DDX60L: variants seen among roughly 807,000 people sequenced by gnomAD.
DDX60L encodes the protein probable ATP-dependent RNA helicase DDX60-like.
DDX60L carries 191 observed loss-of-function variants against 211.6 expected under a neutral mutation model. The ratio of observed to expected loss-of-function variants is 0.90; its 90% CI spans 0.80 to 1.02. The LOEUF (loss-of-function observed/expected upper bound fraction) is 1.02, where lower values mean the gene tolerates loss of function less well. Ranked by LOEUF, DDX60L falls within the 50% of genes least tolerant of loss-of-function variation. The probability of loss-of-function intolerance (pLI) is 0.00; values close to 1 mark genes in which losing one functional copy is unlikely to be tolerated. For missense variants in DDX60L, 2,007 were observed against 1,984.1 expected (o/e 1.01, Z -0.22); for synonymous variants, 706 against 694.1 (o/e 1.02, Z -0.27).
intron 33 of DDX60L, among the ~76,000 whole-genome samples, chr4:168,376,858 C>T (rs1049102793): frequency 6.6e-6 from 1 of 152,208 alleles, no homozygotes; most frequent in Non-Finnish European, 1.5e-5. Context: ...ATAGTTTACA[C>T]ATATTTATTG....
At chr4:168,392,582 G>A (rs560695200) in intron 28 of DDX60L, among the ~76,000 whole-genome samples, 232 of 152,094 alleles carry the variant, frequency 1.5e-3, no homozygotes, top group Non-Finnish European at 2.5e-3. Context: ...AGTGGCTCAC[G>A]CCTGTAACTT....
intron 14 of DDX60L, among the ~76,000 whole-genome samples, chr4:168,426,732 C>G (rs1751513873): frequency 6.6e-6 from 1 of 152,214 alleles, no homozygotes; most frequent in Admixed American, 6.5e-5. Context: ...TGACAGCTTT[C>G]CTTCTCTGAT....
At position 168,371,732 on chromosome 4, in the gene DDX60L, G is replaced by C. The variant is rs1203526334; in HGVS notation, c.4808C>G (p.Thr1603Ser). ...CCATGGCCACAGCAGAGGAGCCTGA[G>C]TGCCACTAACACCGACTGTGCGCAG... ...VILRTVGVSG[T>S]QAPLLWPWKL... Residue 1603 changes from threonine (T) to serine (S), a missense_variant, in exon 36 of 38, where the codon ACT becomes AGT. Coordinates refer to ENST00000682922, the MANE Select transcript of DDX60L (RefSeq NM_001012967.3). 6.2e-7 allele frequency: 1 copy of C among 1,610,468 alleles called. No homozygotes were observed. The highest frequency in any genetic ancestry group is 1.7e-5 in the Admixed American group (1 of 59,920).
intron 31 of DDX60L, 42 bp downstream of exon 31, chr4:168,379,684 G>A (rs780745188): frequency 8.8e-6 from 13 of 1,472,678 alleles, no homozygotes; most frequent in East Asian, 4.5e-5. Flanking sequence ...AAGTTTACAC[G>A]GTACTAGTTA....
At chr4:168,432,064 T>C (rs1217779890) in intron 12 of DDX60L, among the ~76,000 whole-genome samples, 3 of 152,128 alleles carry the variant, frequency 2.0e-5, no homozygotes, top group African/African-American at 7.2e-5. Flanking sequence ...AAACAGCATC[T>C]GATATTTTCA....
At chr4:168,479,372 T>C (rs919429296) in intron 1 of DDX60L, among the ~76,000 whole-genome samples, 4 of 152,232 alleles carry the variant, frequency 2.6e-5, no homozygotes, top group Non-Finnish European at 4.4e-5. Context: ...GGTATGTTAC[T>C]GTTTTCAGGA....
At chr4:168,390,527 T>C (rs1744615581) in intron 29 of DDX60L, 3 of 1,424,064 alleles carry the variant, frequency 2.1e-6, no homozygotes, top group South Asian at 1.6e-5. Flanking sequence ...AGAGTTCACA[T>C]GATCTAAATT....
Position 168,462,029 on chromosome 4 carries a change from A to C in DDX60L, c.276T>G (p.Tyr92Ter). The C allele has an allele frequency of 6.2e-7, 1 of 1,600,380 alleles. No homozygotes were observed. The highest frequency in any genetic ancestry group is 8.5e-7 in the Non-Finnish European group (1 of 1,171,278). ...FTIVFFKDAEYAYFDFPELLS... is the reference protein window; with the variant it reads ...FTIVFFKDAE ...GAAGTTCAGGAAAATCAAAATATGC[A>C]TATTCAGCATCCTGTGGTGAGAAAA... is the stretch of plus-strand genomic sequence containing the variant. The change falls in exon 5 of 38, where the codon TAT becomes TAG. Residue 92 changes from tyrosine to a stop codon, truncating the protein, a stop_gained. Transcript: ENST00000682922. LOFTEE classifies it high-confidence loss of function.
intron 22 of DDX60L, among the ~76,000 whole-genome samples, chr4:168,412,827 G>C (rs1213404678): frequency 6.6e-6 from 1 of 152,198 alleles, no homozygotes; most frequent in African/African-American, 2.4e-5. Context: ...GCTCAACACA[G>C]AGAAAAAGAT....
At chr4:168,406,819 A>G in intron 22 of DDX60L, 113 bp from the exon 23 acceptor site, 1 of 753,506 alleles carries the variant, frequency 1.3e-6, no homozygotes, top group Non-Finnish European at 2.1e-6. Context: ...GAATCCAGGG[A>G]CATTAAAAGG....
At chr4:168,389,879 G>A (rs1744493866) in intron 29 of DDX60L, among the ~76,000 whole-genome samples, 1 of 152,154 alleles carries the variant, frequency 6.6e-6, no homozygotes, top group African/African-American at 2.4e-5. Flanking sequence ...GCAAGCAGTA[G>A]AACTAACATT....
In DDX60L at chr4:168,396,012, T is replaced by C. The variant is rs1745700465; in HGVS notation, c.3604A>G (p.Thr1202Ala). ...LKILEISEDCTYADVKALHTE... is the reference protein window; with the variant it reads ...LKILEISEDCAYADVKALHTE... ...TGTAGGGCTTTGACATCAGCATACGTGCAGTCCTCAGAAATTTCCAGAATC... is the reference window on the plus strand; with the variant it reads ...TGTAGGGCTTTGACATCAGCATACGCGCAGTCCTCAGAAATTTCCAGAATC... The change falls in exon 27 of 38, where the codon ACG becomes GCG. Residue 1202 changes from threonine to alanine, a missense_variant. Transcript: ENST00000682922. 6.2e-7 allele frequency: 1 copy of C among 1,611,920 alleles called. No homozygotes were observed. Among genetic ancestry groups the C allele is most frequent in the Non-Finnish European group, 8.5e-7 (1 of 1,178,336 alleles).
At chr4:168,466,779 T>C (rs567444838) in intron 4 of DDX60L, among the ~76,000 whole-genome samples, 2 of 152,336 alleles carry the variant, frequency 1.3e-5, no homozygotes, top group South Asian at 2.1e-4. Context: ...AGGTGATGGA[T>C]ATATGGTCCA....
At chr4:168,449,814 A>AT (rs58355844) in intron 8 of DDX60L, among the ~76,000 whole-genome samples, 82,889 of 147,692 alleles carry the variant, frequency 0.56, 23,922 homozygotes, top group East Asian at 0.88. Context: ...ATAAAAAAAA[A>AT]AAAAAAAAAG....
At chr4:168,456,855 A>G (rs1405159213) in intron 6 of DDX60L, among the ~76,000 whole-genome samples, 1 of 152,192 alleles carries the variant, frequency 6.6e-6, no homozygotes, top group Non-Finnish European at 1.5e-5. Context: ...TAGATACTAC[A>G]TTTATGAAAA....
At position 168,403,975 on chromosome 4, in the gene DDX60L, T is replaced by C; in HGVS notation, c.3338+7A>G. 1.4e-6 allele frequency: 2 copies of C among 1,450,910 alleles called. No individual in the cohort carries two copies. Among genetic ancestry groups the C allele is most frequent in the Non-Finnish European group, 1.8e-6 (2 of 1,084,082 alleles). The allele number at this position is 1,450,910 out of a possible 1,614,324, so 89.9% of individuals were successfully genotyped here. A position where few individuals can be genotyped will look rare whatever the true frequency, so the allele number is the denominator to read the frequency against. ...AAACAAAGATAAATTAAGTTTCAGT[T>C]ACTTACAAAAAAAATATTGCAGGCA... is the stretch of plus-strand genomic sequence containing the variant. On this transcript the variant is annotated splice_region_variant and intron_variant, in intron 25 of 37. Transcript: ENST00000682922.
chr4:168,433,353 T>C (rs1752622215), intron 10 of DDX60L, among the ~76,000 whole-genome samples: 1 of 152,088 alleles, frequency 6.6e-6, no homozygotes, highest in Non-Finnish European at 1.5e-5. Flanking sequence ...GATCACTAGA[T>C]AGACAAACAT....
chr4:168,479,079 C>T (rs569108314), intron 1 of DDX60L, among the ~76,000 whole-genome samples: 1 of 151,908 alleles, frequency 6.6e-6, no homozygotes, highest in Non-Finnish European at 1.5e-5. Context: ...TAGAGATAGA[C>T]AGATGATGGA....
intron 22 of DDX60L, among the ~76,000 whole-genome samples, 183 bp from the exon 23 acceptor site, chr4:168,406,889 C>G (rs1200334019): frequency 6.6e-6 from 1 of 152,148 alleles, no homozygotes; most frequent in Non-Finnish European, 1.5e-5. Flanking sequence ...AACAAAGTAG[C>G]ATCCCTAACC....
Sources: gnomAD v4.1 joint callset for allele counts (sites outside exome capture counted in the v4.1 genomes callset) on GRCh38, gnomAD v4.1.1 for gene constraint, MANE v1.5 for transcripts, NCBI Gene and HGNC (gene_info 2026-07-23, HGNC 2026-07-21) for gene names.